The following RBFOX1 variants were observed in gnomAD, a reference collection of about 807,000 sequenced individuals.
RBFOX1 encodes RNA binding protein fox-1 homolog 1.
RBFOX1 carries 8 observed loss-of-function variants against 57.7 expected under a neutral mutation model. The ratio of observed to expected loss-of-function variants is 0.14; its 90% confidence interval spans 0.08 to 0.25. RBFOX1 has a LOEUF of 0.25. RBFOX1 is among the 10% of genes least tolerant of loss of function. The probability of loss-of-function intolerance (pLI) is 1.00; values close to 1 mark genes in which losing one functional copy is unlikely to be tolerated. For synonymous variants in RBFOX1, 326 were observed against 222.4 expected (o/e 1.47, Z -4.15); for missense variants, 611 against 548.5 (o/e 1.11, Z -1.14).
intron 1 of RBFOX1, among the ~76,000 whole-genome samples, chr16:6,291,516 T>G (rs1341382402): frequency 2.0e-5 from 3 of 152,224 alleles, no homozygotes; most frequent in Admixed American, 6.5e-5. Context: ...AAAGTCAAGC[T>G]GGGAACTGGT....
chr16:6,826,412 C>T lies in RBFOX1; in HGVS notation c.-16+171762C>T, dbSNP rs72766770. ...GTACATAGTAAATACTCCAGAGTTG[C>T]TCGCTGGGATCATTAGCACTCAAGT... On this transcript the variant is annotated intron_variant, in intron 3 of 15. Transcript: ENST00000550418. Among the ~76,000 whole-genome samples the T allele has an allele frequency of 4.2e-3, 632 of 152,214 alleles. 6 individuals carry two copies. The highest frequency in any genetic ancestry group is 0.017 in the Middle Eastern group (5 of 294).
intron 4 of RBFOX1, among the ~76,000 whole-genome samples, chr16:5,986,492 A>C (rs1313734617): frequency 1.3e-5 from 2 of 152,200 alleles, no homozygotes; most frequent in Non-Finnish European, 2.9e-5. Context: ...AAGATATCGA[A>C]TCATTCCATT....
intron 4 of RBFOX1, among the ~76,000 whole-genome samples, chr16:7,370,775 A>G (rs984131622): frequency 2.6e-5 from 4 of 152,244 alleles, no homozygotes; most frequent in Non-Finnish European, 4.4e-5. Flanking sequence ...CTGAACATTC[A>G]TGCATATTTG....
At chr16:5,907,682 T>A (rs1283629278) in intron 4 of RBFOX1, among the ~76,000 whole-genome samples, 2 of 152,100 alleles carry the variant, frequency 1.3e-5, no homozygotes, top group Non-Finnish European at 2.9e-5. Flanking sequence ...ACATGCCTAC[T>A]TGCTGGTATA....
chr16:7,473,944 C>G (rs968614692), intron 4 of RBFOX1, among the ~76,000 whole-genome samples: 3 of 152,148 alleles, frequency 2.0e-5, no homozygotes, highest in African/African-American at 7.2e-5. Flanking sequence ...TACCTATTAA[C>G]TGGCAAGCAA....
intron 4 of RBFOX1, among the ~76,000 whole-genome samples, chr16:7,442,366 C>T (rs888659728): frequency 1.3e-5 from 2 of 152,134 alleles, no homozygotes; most frequent in Non-Finnish European, 2.9e-5. Flanking sequence ...AGACAGAGAT[C>T]ATTTTTGGCA....
chr16:7,179,654 A>G (rs1194723130), intron 4 of RBFOX1, among the ~76,000 whole-genome samples: 1 of 152,154 alleles, frequency 6.6e-6, no homozygotes, highest in African/African-American at 2.4e-5. Context: ...TCCAACAGCA[A>G]CACAATGAAT....
chr16:6,743,396 A>G (rs1438685847), intron 3 of RBFOX1, among the ~76,000 whole-genome samples: 1 of 152,190 alleles, frequency 6.6e-6, no homozygotes, highest in Non-Finnish European at 1.5e-5. Flanking sequence ...AATAAAAATA[A>G]GATCAAATTA....
intron 4 of RBFOX1, among the ~76,000 whole-genome samples, chr16:7,226,210 C>T (rs1251190314): frequency 6.6e-6 from 1 of 152,136 alleles, no homozygotes; most frequent in Non-Finnish European, 1.5e-5. Context: ...CATCCCTGAG[C>T]CAGTTACTCA....
chr16:7,596,559 G>A (rs1379162448), intron 8 of RBFOX1, among the ~76,000 whole-genome samples: 3 of 151,976 alleles, frequency 2.0e-5, no homozygotes, highest in South Asian at 2.1e-4. Context: ...GCCGTTTCAC[G>A]TATTTAGTGC....
chr16:5,818,754 T>C (rs2055738840), intron 3 of RBFOX1, among the ~76,000 whole-genome samples: 2 of 152,220 alleles, frequency 1.3e-5, no homozygotes, highest in Admixed American at 1.3e-4. Context: ...TGCTGGTTAC[T>C]GCTGCCTGCA....
chr16:6,585,947 G>C (rs55809610), intron 2 of RBFOX1, among the ~76,000 whole-genome samples: 7,803 of 152,248 alleles, frequency 0.051, 332 homozygotes, highest in African/African-American at 0.11. Context: ...AGTGTGTCCA[G>C]ATACCTTTAA....
intron 4 of RBFOX1, among the ~76,000 whole-genome samples, chr16:7,386,121 G>T (rs1331937468): frequency 6.6e-6 from 1 of 151,888 alleles, no homozygotes; most frequent in African/African-American, 2.4e-5. Flanking sequence ...GCTAAACAAG[G>T]CATGGTGAGG....
intron 4 of RBFOX1, among the ~76,000 whole-genome samples, chr16:7,177,320 C>A (rs1183924929): frequency 6.6e-6 from 1 of 152,040 alleles, no homozygotes; most frequent in Non-Finnish European, 1.5e-5. Context: ...GCCCTGAAGG[C>A]CTCAAGAGCT....
At chr16:6,887,783 C>G (rs1012261738) in intron 3 of RBFOX1, among the ~76,000 whole-genome samples, 1 of 151,960 alleles carries the variant, frequency 6.6e-6, no homozygotes, top group African/African-American at 2.4e-5. Flanking sequence ...CAGCCTCAGC[C>G]TCCTGAGTAG....
intron 4 of RBFOX1, among the ~76,000 whole-genome samples, chr16:5,912,318 G>A (rs2058619843): frequency 1.3e-5 from 2 of 152,172 alleles, no homozygotes; most frequent in South Asian, 4.1e-4. Flanking sequence ...CATAATAAAT[G>A]TTAGCCGTTG....
chr16:7,569,841 G>C (rs893740150), intron 5 of RBFOX1, among the ~76,000 whole-genome samples: 1 of 126,432 alleles, frequency 7.9e-6, no homozygotes, highest in Non-Finnish European at 1.8e-5. Context: ...CTTGGGAATG[G>C]GAGTGAGCGC....
At chr16:6,797,844 C>G (rs780734841) in intron 3 of RBFOX1, among the ~76,000 whole-genome samples, 1 of 152,110 alleles carries the variant, frequency 6.6e-6, no homozygotes, top group Non-Finnish European at 1.5e-5. Flanking sequence ...TAGAACCACT[C>G]GACTTGAGTT....
intron 2 of RBFOX1, among the ~76,000 whole-genome samples, chr16:6,560,004 A>T (rs1420718438): frequency 6.6e-6 from 1 of 152,148 alleles, no homozygotes; most frequent in East Asian, 1.9e-4. Flanking sequence ...CTTCAAGCCC[A>T]TTGAGTTCCC....
Sources: allele counts gnomAD v4.1 joint callset (sites outside exome capture counted in the v4.1 genomes callset), GRCh38; gene constraint gnomAD v4.1.1; transcripts MANE v1.5; gene names NCBI Gene and HGNC (gene_info 2026-07-23, HGNC 2026-07-21).